Variants in FHIT observed in about 807,000 individuals in gnomAD.
FHIT encodes the protein bis(5'-adenosyl)-triphosphatase.
A neutral mutation model predicts 17.9 loss-of-function variants in FHIT; 19 were observed. That is an observed-to-expected ratio of 1.06 (90% CI 0.74 to 1.56). The LOEUF (loss-of-function observed/expected upper bound fraction) is 1.56. Among genes scored for constraint, FHIT ranks in the 40% most tolerant of loss-of-function variants. The probability of loss-of-function intolerance (pLI) is 0.00; values close to 1 mark genes in which losing one functional copy is unlikely to be tolerated. For synonymous variants in FHIT, 81 were observed against 69.7 expected (o/e 1.16, Z -0.81); for missense variants, 248 against 189.2 (o/e 1.31, Z -1.82).
At chr3:60,634,981 C>T (rs1424889737) in intron 4 of FHIT, among the ~76,000 whole-genome samples, 1 of 152,146 alleles carries the variant, frequency 6.6e-6, no homozygotes, top group Non-Finnish European at 1.5e-5. Flanking sequence ...AAGCAATCCT[C>T]GCACCTCAGC....
intron 8 of FHIT, among the ~76,000 whole-genome samples, chr3:59,767,343 G>A (rs1372871976): frequency 1.3e-5 from 2 of 152,046 alleles, no homozygotes; most frequent in African/African-American, 4.8e-5. Context: ...TACTAAAAAT[G>A]CAAAAATTAG....
chr3:60,130,086 T>C (rs546854784), intron 5 of FHIT, among the ~76,000 whole-genome samples: 1 of 152,298 alleles, frequency 6.6e-6, no homozygotes, highest in African/African-American at 2.4e-5. Context: ...TGTTAGAAGT[T>C]CCTCTTTCCC....
intron 7 of FHIT, among the ~76,000 whole-genome samples, chr3:59,998,764 C>G (rs919544394): frequency 3.9e-5 from 6 of 152,112 alleles, no homozygotes; most frequent in African/African-American, 1.2e-4. Flanking sequence ...TTCCTGTCCC[C>G]TTCCCTACAG....
chr3:60,767,776 G>A (rs186515101), intron 4 of FHIT, among the ~76,000 whole-genome samples: 69 of 152,248 alleles, frequency 4.5e-4, no homozygotes, highest in African/African-American at 1.5e-3. Context: ...GTTCTATTGC[G>A]CCCCAACAAG....
chr3:60,332,833 G>T (rs1319722981), intron 5 of FHIT, among the ~76,000 whole-genome samples: 1 of 152,154 alleles, frequency 6.6e-6, no homozygotes, highest in African/African-American at 2.4e-5. Flanking sequence ...TAGGGACATA[G>T]AGATGCTATC....
chr3:60,272,586 T>C (rs907098437), intron 5 of FHIT, among the ~76,000 whole-genome samples: 3 of 152,140 alleles, frequency 2.0e-5, no homozygotes, highest in African/African-American at 7.2e-5. Flanking sequence ...AACCGAGGAC[T>C]CCCAAAACTA....
At chr3:60,322,976 G>A (rs1475507320) in intron 5 of FHIT, among the ~76,000 whole-genome samples, 1 of 152,118 alleles carries the variant, frequency 6.6e-6, no homozygotes, top group African/African-American at 2.4e-5. Flanking sequence ...TAGAAGACTG[G>A]CAACAAAGAC....
intron 8 of FHIT, among the ~76,000 whole-genome samples, chr3:59,758,580 C>T (rs937842392): frequency 4.6e-5 from 7 of 152,118 alleles, no homozygotes; most frequent in Non-Finnish European, 8.8e-5. Flanking sequence ...CGGACTAGTA[C>T]GTCCTTGATA....
chr3:60,583,486 T>C (rs555853731), intron 4 of FHIT, among the ~76,000 whole-genome samples: 1 of 152,174 alleles, frequency 6.6e-6, no homozygotes, highest in African/African-American at 2.4e-5. Flanking sequence ...TGTGAGGATA[T>C]AGATGACAGA....
chr3:60,661,610 T>G (rs1553691179), intron 4 of FHIT, among the ~76,000 whole-genome samples: 1 of 152,172 alleles, frequency 6.6e-6, no homozygotes, highest in Non-Finnish European at 1.5e-5. Flanking sequence ...TTACTTTTAG[T>G]GCTTTAAGGA....
intron 5 of FHIT, among the ~76,000 whole-genome samples, chr3:60,439,876 G>A (rs1373111428): frequency 1.3e-5 from 2 of 151,994 alleles, no homozygotes; most frequent in Non-Finnish European, 2.9e-5. Context: ...TTGTGCTGTG[G>A]GCAAGAGATG....
chr3:61,168,597 T>G (rs2037908840), intron 2 of FHIT, among the ~76,000 whole-genome samples: 1 of 152,168 alleles, frequency 6.6e-6, no homozygotes, highest in East Asian at 1.9e-4. Context: ...ACCAGCACTC[T>G]CAGAATGGAG....
intron 4 of FHIT, among the ~76,000 whole-genome samples, chr3:60,754,668 G>A (rs1337091495): frequency 5.3e-5 from 8 of 152,022 alleles, no homozygotes; most frequent in African/African-American, 1.7e-4. Flanking sequence ...ACTATGATGA[G>A]AAGCTTTTGG....
In FHIT at chr3:60,298,558, C is replaced by T. The variant is rs149873255; in HGVS notation, c.103+238302G>A. ...TCACCATCTTTGACTTTTTCCCAAC[C>T]GTAAAGAAAAGCATTCAGTCTTTCA... On this transcript the variant is annotated intron_variant, in intron 5 of 9. Transcript: ENST00000492590. Among the ~76,000 whole-genome samples the T allele has an allele frequency of 4.2e-4, 64 of 152,234 alleles. No homozygotes were observed. In the East Asian group the frequency reaches 7.9e-3, roughly 19 times the overall value.
At chr3:60,847,414 A>G (rs1702965389) in intron 3 of FHIT, among the ~76,000 whole-genome samples, 1 of 152,162 alleles carries the variant, frequency 6.6e-6, no homozygotes, top group African/African-American at 2.4e-5. Flanking sequence ...TGCACACAGA[A>G]GCACTTCTTT....
At chr3:60,830,448 T>A (rs75517035) in intron 3 of FHIT, among the ~76,000 whole-genome samples, 3,863 of 152,230 alleles carry the variant, frequency 0.025, 164 homozygotes, top group African/African-American at 0.087. Flanking sequence ...TAAGGTACCA[T>A]TAGAGATTTC....
In FHIT at chr3:60,014,161, A is replaced by C. The variant is rs199571020; in HGVS notation, c.104-9T>G. 1.4e-5 allele frequency: 22 copies of C among 1,613,818 alleles called. No homozygotes were observed. The African/African-American group carries it at 2.7e-4, about 20-fold the overall frequency. On this transcript the variant is annotated splice_polypyrimidine_tract_variant and intron_variant, in intron 5 of 9. Transcript: ENST00000492590. ...CGGGCACACAAGGACATCTGTAGCAAGGTCTGTTAAGGCCCATGCTGCTGG... is the reference window on the plus strand; with the variant it reads ...CGGGCACACAAGGACATCTGTAGCACGGTCTGTTAAGGCCCATGCTGCTGG...
chr3:60,750,876 C>A (rs1046405197), intron 4 of FHIT, among the ~76,000 whole-genome samples: 2 of 152,282 alleles, frequency 1.3e-5, no homozygotes, highest in East Asian at 3.9e-4. Context: ...TTCAGACAAG[C>A]CGACTTCATC....
intron 8 of FHIT, among the ~76,000 whole-genome samples, chr3:59,880,040 C>A (rs1703343511): frequency 1.3e-5 from 2 of 150,178 alleles, no homozygotes; most frequent in East Asian, 2.0e-4. Context: ...AGATAGAAAA[C>A]TTCTGCAAGA....
Sources: gnomAD v4.1 joint callset for allele counts (sites outside exome capture counted in the v4.1 genomes callset) on GRCh38, gnomAD v4.1.1 for gene constraint, MANE v1.5 for transcripts, NCBI Gene and HGNC (gene_info 2026-07-23, HGNC 2026-07-21) for gene names.